The following ACOX2 variants were observed in gnomAD, a reference collection of about 807,000 sequenced individuals.
ACOX2 encodes the protein acyl-CoA oxidase 2, also known as peroxisomal acyl-coenzyme A oxidase 2.
Under a neutral mutation model 77.5 loss-of-function variants are expected in ACOX2, and 59 were observed. The ratio of observed to expected loss-of-function variants is 0.76; its 90% CI spans 0.62 to 0.95. The LOEUF (loss-of-function observed/expected upper bound fraction) is 0.95, where lower values mean the gene tolerates loss of function less well. ACOX2 is among the 40% of genes least tolerant of loss of function. ACOX2 has a pLI of 0.00. For synonymous variants in ACOX2, 317 were observed against 340.1 expected (o/e 0.93, Z 0.75); for missense variants, 837 against 880.4 (o/e 0.95, Z 0.62).
At position 58,521,321 on chromosome 3, in the gene ACOX2, G is replaced by A. The variant is rs552770421; in HGVS notation, c.1632+1175C>T. Among the ~76,000 whole-genome samples, 1 of 152,218 alleles carries A rather than the reference G, an allele frequency of 6.6e-6. No homozygotes were observed. The highest frequency in any genetic ancestry group is 2.1e-4 in the South Asian group (1 of 4,834). On this transcript the variant is annotated intron_variant, in intron 12 of 14. Coordinates refer to ENST00000302819, the MANE Select transcript of ACOX2 (RefSeq NM_003500.4). The surrounding 1 kb of genome is among the most constrained non-coding windows in gnomAD (Gnocchi z 4.8). The stretch of plus-strand genomic sequence containing the variant: ...CTCTGCAGCCCTTCAGGGCTCTCCT[G>A]TTCCAAGGCTGCCATTTTCTGGGTC...
At position 58,526,434 on chromosome 3, in the gene ACOX2, TG is replaced by T; in HGVS notation, c.1346+31del. The T allele has an allele frequency of 6.3e-7, 1 of 1,582,542 alleles. No individual in the cohort carries two copies. The highest frequency in any genetic ancestry group is 2.3e-5 in the East Asian group (1 of 44,352). ...GAAGCTTGGTGGGTCCCCAAGGGCT[TG>T]GGCAAAGGCCTGGGTCAGCCTGGAC... On this transcript the variant is annotated intron_variant, in intron 10 of 14. Transcript: ENST00000302819. The surrounding 1 kb of genome is among the most constrained non-coding windows in gnomAD (Gnocchi z 4.3).
chr3:58,531,134 G>A lies in ACOX2; in HGVS notation c.819+117C>T. The A allele has an allele frequency of 3.6e-6, 3 of 832,476 alleles. No individual in the cohort carries two copies. Among genetic ancestry groups the A allele is most frequent in the East Asian group, 5.4e-5 (2 of 37,346 alleles). 51.6% of individuals were successfully genotyped at this position (832,476 alleles called of 1,614,324 possible). ...TCTGTGGGATATCAGAGCCTCTCTT[G>A]GGGGAGGAGGTTATGTGGCCCAAAC... On this transcript the variant is annotated intron_variant, in intron 7 of 14. Coordinates refer to ENST00000302819, the MANE Select transcript of ACOX2 (RefSeq NM_003500.4). The surrounding 1 kb of genome is among the most constrained non-coding windows in gnomAD (Gnocchi z 5.8).
At position 58,526,601 on chromosome 3, in the gene ACOX2, C is replaced by G. The variant is rs768786183; in HGVS notation, c.1211G>C (p.Gly404Ala). The change falls in exon 10 of 15, where the codon GGA (glycine) becomes GCA (alanine). Residue 404 changes from glycine to alanine, a missense_variant. By Grantham distance (60) the Gly-to-Ala change is moderately conservative. Coordinates refer to ENST00000302819, the MANE Select transcript of ACOX2 (RefSeq NM_003500.4). The surrounding 1 kb of genome is among the most constrained non-coding windows in gnomAD (Gnocchi z 4.3). ...KAMMSEFCTQ[G>A]AEMCRRACGG... ...ACAGGCCCTGCGGCACATCTCAGCTCCCTGGGTGCAGAATTCTGACATCAT... is the reference window on the plus strand; with the variant it reads ...ACAGGCCCTGCGGCACATCTCAGCTGCCTGGGTGCAGAATTCTGACATCAT... 3.1e-6 allele frequency: 5 copies of G among 1,614,192 alleles called. No individual in the cohort carries two copies. The South Asian group carries it at 4.4e-5, about 14-fold the overall frequency.
At chr3:58,509,126 T>G in intron 13 of ACOX2, 101 bp from the exon 14 acceptor site, 3 of 1,377,272 alleles carry the variant, frequency 2.2e-6, no homozygotes, top group Non-Finnish European at 3.0e-6. Flanking sequence ...GGTTGCATGA[T>G]TATTCGCTTT....
Position 58,526,372 on chromosome 3 carries a change from C to T in ACOX2, c.1346+94G>A. 1 of 1,407,704 alleles carries T rather than the reference C, an allele frequency of 7.1e-7. No homozygotes were observed. Among genetic ancestry groups the T allele is most frequent in the Non-Finnish European group, 9.5e-7 (1 of 1,054,370 alleles). The allele number at this position is 1,407,704 out of a possible 1,614,324, so 87.2% of individuals were successfully genotyped here. ...CAAATAGCACTTCGCAAAGCCTGCT[C>T]TTTTTATGGGCCTCAGACGGAACCC... On this transcript the variant is annotated intron_variant, in intron 10 of 14. Transcript: ENST00000302819. This position sits in a 1 kb window ranked among gnomAD's most constrained non-coding sequence, Gnocchi z 4.3.
rs1476446624 is a variant in ACOX2 at position 58,534,974 on chromosome 3, G to A, written c.133C>T (p.Gln45Ter). The part of the protein sequence containing the change: ...RLTNILDGGA[Q>*]NTALRRKVES... ...ACTTTCCTGCGGAGTGCAGTGTTCT[G>A]GGCACCTCCATCAAGGATGTTGGTG... The change falls in exon 2 of 15, where the codon CAG (glutamine) becomes TAG (stop). Residue 45 changes from glutamine (Q) to a stop codon, truncating the protein, a stop_gained. Transcript: ENST00000302819. LOFTEE classifies it high-confidence loss of function. This position sits in a 1 kb window ranked among gnomAD's most constrained non-coding sequence, Gnocchi z 4.8. 1.2e-6 allele frequency: 2 copies of A among 1,614,182 alleles called. No individual in the cohort carries two copies. The highest frequency in any genetic ancestry group is 1.6e-4 in the Middle Eastern group (1 of 6,062).
intron 8 of ACOX2, chr3:58,529,257 C>T (rs372937824): frequency 3.5e-5 from 7 of 201,226 alleles, no homozygotes; most frequent in South Asian, 1.7e-4. Context: ...GACTCCAACA[C>T]GTCTGGTCCC....
Position 58,535,221 on chromosome 3 carries a change from G to C in ACOX2, c.-91-24C>G, listed in dbSNP as rs1425792759. 1 of 1,366,732 alleles carries C rather than the reference G, an allele frequency of 7.3e-7. No homozygotes were observed. The highest frequency in any genetic ancestry group is 1.0e-6 in the Non-Finnish European group (1 of 977,898). 84.7% of individuals were successfully genotyped at this position (1,366,732 alleles called of 1,614,324 possible). ...ACCTGTGTGCAAGAGGAACTGCCTA[G>C]GGCTGGGTGTCAGCCAGGGCTGGTT... On this transcript the variant is annotated intron_variant, in intron 1 of 14. Coordinates refer to ENST00000302819, the MANE Select transcript of ACOX2 (RefSeq NM_003500.4). This position sits in a 1 kb window ranked among gnomAD's most constrained non-coding sequence, Gnocchi z 4.8.
At chr3:58,536,807 C>T (rs1257861793) in intron 1 of ACOX2, among the ~76,000 whole-genome samples, 1 of 152,216 alleles carries the variant, frequency 6.6e-6, no homozygotes, top group Non-Finnish European at 1.5e-5. Flanking sequence ...CCGGCATTCC[C>T]TGTCCTCCTC....
chr3:58,531,151 G>T lies in ACOX2; in HGVS notation c.819+100C>A. The T allele has an allele frequency of 9.7e-7, 1 of 1,028,066 alleles. No homozygotes were observed. Among genetic ancestry groups the T allele is most frequent in the Non-Finnish European group, 1.4e-6 (1 of 697,932 alleles). 63.7% of individuals were successfully genotyped at this position (1,028,066 alleles called of 1,614,324 possible). On this transcript the variant is annotated intron_variant, in intron 7 of 14. Transcript: ENST00000302819. This position sits in a 1 kb window ranked among gnomAD's most constrained non-coding sequence, Gnocchi z 5.8. ...CCTCTCTTGGGGGAGGAGGTTATGT[G>T]GCCCAAACTAAGCTCTATGGAGGAC... is the stretch of plus-strand genomic sequence containing the variant.
intron 13 of ACOX2, 141 bp from the exon 14 acceptor site, chr3:58,509,166 T>C (rs2063258068): frequency 1.9e-6 from 2 of 1,055,214 alleles, no homozygotes; most frequent in Admixed American, 2.7e-5. Flanking sequence ...TTTTTAGTTT[T>C]TATTTTTTAA....
chr3:58,520,207 G>A (rs1160227281), intron 12 of ACOX2, among the ~76,000 whole-genome samples: 1 of 152,258 alleles, frequency 6.6e-6, no homozygotes, highest in African/African-American at 2.4e-5. Context: ...AGTAGGTACT[G>A]TTATTAGCTC....
chr3:58,519,669 C>A lies in ACOX2; in HGVS notation c.1633-2246G>T, dbSNP rs2063345392. On this transcript the variant is annotated intron_variant, in intron 12 of 14. Transcript: ENST00000302819. The surrounding 1 kb of genome is among the most constrained non-coding windows in gnomAD (Gnocchi z 5.0). ...TGGGAGTCTTCAGCTGGGCAGTGAC[C>A]CGATCCGCTTTCTCACTTGGAAAGA... Among the ~76,000 whole-genome samples, 1 of 152,146 alleles carries A rather than the reference C, an allele frequency of 6.6e-6. No individual in the cohort carries two copies.
chr3:58,535,158 C>G lies in ACOX2; in HGVS notation c.-52G>C, dbSNP rs372856592. On this transcript the variant is annotated 5_prime_UTR_variant, in exon 2 of 15. Coordinates refer to ENST00000302819, the MANE Select transcript of ACOX2 (RefSeq NM_003500.4). The surrounding 1 kb of genome is among the most constrained non-coding windows in gnomAD (Gnocchi z 4.8). ...TGGAGAGACACTTCCAACCCGGCTG[C>G]TCCGAGGGTCTGCTCTCAGCATTGG... 1.3e-4 allele frequency: 204 copies of G among 1,609,556 alleles called. 1 individual carries two copies. The African/African-American group carries it at 2.5e-3, about 20-fold the overall frequency.
chr3:58,519,244 TGTG>T lies in ACOX2; in HGVS notation c.1633-1824_1633-1822del, dbSNP rs1051190608. 5.3e-5 allele frequency among the ~76,000 whole-genome samples: 8 copies of T among 151,926 alleles called. No homozygotes were observed. The highest frequency in any genetic ancestry group is 1.0e-4 in the Non-Finnish European group (7 of 67,966). ...ACAAAAAATACAAAAATTAGCCAGG[TGTG>T]GTGGTGCACACCTGTAATTCTGGCT... On this transcript the variant is annotated intron_variant, in intron 12 of 14. Coordinates refer to ENST00000302819, the MANE Select transcript of ACOX2 (RefSeq NM_003500.4). This position sits in a 1 kb window ranked among gnomAD's most constrained non-coding sequence, Gnocchi z 5.0.
Position 58,535,144 on chromosome 3 carries a change from T to G in ACOX2, c.-38A>C. On this transcript the variant is annotated 5_prime_UTR_variant, in exon 2 of 15. Transcript: ENST00000302819. The surrounding 1 kb of genome is among the most constrained non-coding windows in gnomAD (Gnocchi z 4.8). The stretch of plus-strand genomic sequence containing the variant: ...CTGTCTGGTGACTATGGAGAGACAC[T>G]TCCAACCCGGCTGCTCCGAGGGTCT... 6.2e-7 allele frequency: 1 copy of G among 1,613,600 alleles called. No individual in the cohort carries two copies. Among genetic ancestry groups the G allele is most frequent in the Middle Eastern group, 1.7e-4 (1 of 6,014 alleles).
rs1277221662 is a variant in ACOX2, at chr3:58,526,370, C to T, written c.1346+96G>A. The T allele has an allele frequency of 7.2e-7, 1 of 1,386,454 alleles. No individual in the cohort carries two copies. Among genetic ancestry groups the T allele is most frequent in the Non-Finnish European group, 9.7e-7 (1 of 1,035,514 alleles). 85.9% of individuals were successfully genotyped at this position (1,386,454 alleles called of 1,614,324 possible). A position where few individuals can be genotyped will look rare whatever the true frequency, so the allele number is the denominator to read the frequency against. ...CCCAAATAGCACTTCGCAAAGCCTG[C>T]TCTTTTTATGGGCCTCAGACGGAAC... On this transcript the variant is annotated intron_variant, in intron 10 of 14. Coordinates refer to ENST00000302819, the MANE Select transcript of ACOX2 (RefSeq NM_003500.4). The surrounding 1 kb of genome is among the most constrained non-coding windows in gnomAD (Gnocchi z 4.3).
At position 58,512,255 on chromosome 3, in the gene ACOX2, C is replaced by G. The variant is rs2063293437; in HGVS notation, c.1851-3230G>C. Among the ~76,000 whole-genome samples, 4 of 152,232 alleles carry G rather than the reference C, an allele frequency of 2.6e-5. No homozygotes were observed. The South Asian group carries it at 8.3e-4, about 32-fold the overall frequency. The stretch of plus-strand genomic sequence containing the variant: ...TCTTCTTTCTCACCATACATCTAAT[C>G]TGTCAGCAAATCCTGTTCTGCCTTC... On this transcript the variant is annotated intron_variant, in intron 13 of 14. Coordinates refer to ENST00000302819, the MANE Select transcript of ACOX2 (RefSeq NM_003500.4). The surrounding 1 kb of genome is among the most constrained non-coding windows in gnomAD (Gnocchi z 4.8).
chr3:58,530,353 G>A, intron 8 of ACOX2, 113 bp downstream of exon 8: 1 of 1,408,220 alleles, frequency 7.1e-7, no homozygotes, highest in South Asian at 1.3e-5. Flanking sequence ...TGTGGTGGGG[G>A]GCATTGCCTG....
Sources: allele counts gnomAD v4.1 joint callset (sites outside exome capture counted in the v4.1 genomes callset), GRCh38; gene constraint gnomAD v4.1.1; non-coding constraint Gnocchi (gnomAD v3.1); transcripts MANE v1.5; gene names NCBI Gene and HGNC (gene_info 2026-07-23, HGNC 2026-07-21).